Variants in STN1 observed in about 807,000 individuals in gnomAD.
STN1 encodes the protein STN1 subunit of CST complex.
In STN1, 29 loss-of-function variants were observed where a neutral mutation model predicts 45.5. That is an observed-to-expected ratio of 0.64 (90% confidence interval 0.47 to 0.87). The LOEUF (loss-of-function observed/expected upper bound fraction) is 0.87. STN1 is among the 40% of genes least tolerant of loss of function. The pLI is 0.00. For missense variants in STN1, 376 were observed against 441.4 expected, an observed-to-expected ratio of 0.85 and a Z score of 1.33; for synonymous variants, 148 against 159.0, an observed-to-expected ratio of 0.93 and a Z score of 0.52.
chr10:103,891,468 T>C (rs1047539759), intron 8 of STN1, among the ~76,000 whole-genome samples: 5 of 152,146 alleles, frequency 3.3e-5, no homozygotes, highest in African/African-American at 9.7e-5. Flanking sequence ...ACAGTTGGGG[T>C]GTTGCTCCTG....
chr10:103,913,545 G>A (rs1270953616), intron 2 of STN1, among the ~76,000 whole-genome samples: 1 of 151,940 alleles, frequency 6.6e-6, no homozygotes, highest in Admixed American at 6.6e-5. Context: ...TCAGAGAAAA[G>A]CAACTGAGGA....
In STN1 at chr10:103,882,487, T is replaced by C; in HGVS notation, c.*197A>G. 1.9e-6 allele frequency: 1 copy of C among 530,706 alleles called. No homozygotes were observed. Among genetic ancestry groups the C allele is most frequent in the South Asian group, 3.0e-5 (1 of 33,618 alleles). The allele number at this position is 530,706 out of a possible 1,614,324, so 32.9% of individuals were successfully genotyped here. Reference sequence around the variant, plus strand: ...GTCATGGCTGAGATCAAAGTCATTGTACACCAAGGACATAGTGGACAGAAG... The same window carrying C: ...GTCATGGCTGAGATCAAAGTCATTGCACACCAAGGACATAGTGGACAGAAG... On this transcript the variant is annotated 3_prime_UTR_variant, in exon 10 of 10. Coordinates refer to ENST00000224950, the MANE Select transcript of STN1 (RefSeq NM_024928.5).
chr10:103,914,357 TA>T (rs61708121), intron 2 of STN1, among the ~76,000 whole-genome samples: 4,069 of 76,256 alleles, frequency 0.053, 474 homozygotes, highest in Non-Finnish European at 0.059. Flanking sequence ...TATATATATA[TA>T]TATATATATA....
At position 103,882,484 on chromosome 10, in the gene STN1, T is replaced by C. The variant is rs1007469539; in HGVS notation, c.*200A>G. The C allele has an allele frequency of 9.6e-6, 5 of 523,150 alleles. No homozygotes were observed. The highest frequency in any genetic ancestry group is 3.2e-5 in the East Asian group (1 of 31,176). The allele number at this position is 523,150 out of a possible 1,614,324, so 32.4% of individuals were successfully genotyped here. A position where few individuals can be genotyped will look rare whatever the true frequency, so the allele number is the denominator to read the frequency against. ...TGTGTCATGGCTGAGATCAAAGTCA[T>C]TGTACACCAAGGACATAGTGGACAG... On this transcript the variant is annotated 3_prime_UTR_variant, in exon 10 of 10. Coordinates refer to ENST00000224950, the MANE Select transcript of STN1 (RefSeq NM_024928.5).
intron 3 of STN1, among the ~76,000 whole-genome samples, chr10:103,910,053 T>C (rs1367885393): frequency 6.6e-6 from 1 of 152,248 alleles, no homozygotes; most frequent in East Asian, 1.9e-4. Flanking sequence ...TTTACCCCTT[T>C]GGGTATCAAA....
intron 9 of STN1, among the ~76,000 whole-genome samples, chr10:103,886,569 T>C (rs1843104789): frequency 6.6e-6 from 1 of 152,172 alleles, no homozygotes; most frequent in Non-Finnish European, 1.5e-5. Context: ...AAAATCCACA[T>C]ACAGATTCTA....
chr10:103,883,828 G>A (rs778096430), intron 9 of STN1, among the ~76,000 whole-genome samples: 2 of 152,040 alleles, frequency 1.3e-5, no homozygotes, highest in Non-Finnish European at 2.9e-5. Context: ...AGTGGCTCAC[G>A]CCTATAATCC....
chr10:103,917,222 A>G (rs185840854), intron 2 of STN1, among the ~76,000 whole-genome samples: 1 of 151,738 alleles, frequency 6.6e-6, no homozygotes, highest in Admixed American at 6.6e-5. Context: ...TGGAGGTAAA[A>G]ACCCCAGTAC....
chr10:103,889,733 A>C (rs1843127349), intron 8 of STN1, among the ~76,000 whole-genome samples: 1 of 132,528 alleles, frequency 7.5e-6, no homozygotes, highest in Non-Finnish European at 1.5e-5. Flanking sequence ...ACGGAATCTC[A>C]CTCTTATCGC....
At position 103,890,360 on chromosome 10, in the gene STN1, T is replaced by C. The variant is rs555059152; in HGVS notation, c.877-1216A>G. Among the ~76,000 whole-genome samples, 12 of 152,334 alleles carry C rather than the reference T, an allele frequency of 7.9e-5. No individual in the cohort carries two copies. The South Asian group carries it at 2.3e-3, about 29-fold the overall frequency. Reference sequence around the variant, plus strand: ...CTAGGCAAACAGAAGTGTTGACTTATTTTAACCATTTCCCTGAGGCAGGGC... The same window carrying C: ...CTAGGCAAACAGAAGTGTTGACTTACTTTAACCATTTCCCTGAGGCAGGGC... On this transcript the variant is annotated intron_variant, in intron 8 of 9. Coordinates refer to ENST00000224950, the MANE Select transcript of STN1 (RefSeq NM_024928.5).
At chr10:103,911,864 G>A (rs944032102) in intron 2 of STN1, among the ~76,000 whole-genome samples, 3 of 152,098 alleles carry the variant, frequency 2.0e-5, no homozygotes, top group Admixed American at 1.3e-4. Flanking sequence ...TGTTTCCCTT[G>A]TAGACAAAGG....
At chr10:103,905,064 G>A (rs780586697) in intron 4 of STN1, 27 bp downstream of exon 4, 47 of 1,600,012 alleles carry the variant, frequency 2.9e-5, no homozygotes, top group Non-Finnish European at 3.7e-5. Flanking sequence ...TAGGTGAAAA[G>A]TAAAGGAATG....
intron 8 of STN1, among the ~76,000 whole-genome samples, chr10:103,890,377 A>G (rs975058298): frequency 3.9e-5 from 6 of 152,220 alleles, no homozygotes; most frequent in Non-Finnish European, 7.3e-5. Context: ...CATTTCCCTG[A>G]GGCAGGGCTT....
At chr10:103,883,993 G>A (rs1425711908) in intron 9 of STN1, among the ~76,000 whole-genome samples, 1 of 149,520 alleles carries the variant, frequency 6.7e-6, no homozygotes, top group African/African-American at 2.5e-5. Flanking sequence ...GGGAGGTTGA[G>A]GCAGGAGAAT....
chr10:103,908,482 T>C (rs1264046276), intron 3 of STN1, among the ~76,000 whole-genome samples: 1 of 151,898 alleles, frequency 6.6e-6, no homozygotes, highest in Non-Finnish European at 1.5e-5. Context: ...AGGCCTGCGG[T>C]GAGTCAGGGG....
At chr10:103,893,455 A>G (rs1012676556) in intron 7 of STN1, among the ~76,000 whole-genome samples, 2 of 152,202 alleles carry the variant, frequency 1.3e-5, no homozygotes, top group Non-Finnish European at 2.9e-5. Context: ...GGTGTGAGCC[A>G]CCGTGCCCAG....
intron 6 of STN1, 147 bp from the exon 7 acceptor site, chr10:103,897,866 C>G: frequency 1.5e-6 from 1 of 677,448 alleles, no homozygotes; most frequent in East Asian, 2.8e-5. Flanking sequence ...CAGGGAACAT[C>G]ATGTGGTTGT....
chr10:103,907,071 C>T (rs1487131207), intron 3 of STN1, among the ~76,000 whole-genome samples: 1 of 150,440 alleles, frequency 6.6e-6, no homozygotes, highest in Non-Finnish European at 1.5e-5. Flanking sequence ...ATGATTGTGC[C>T]TGTGATAGCC....
intron 2 of STN1, among the ~76,000 whole-genome samples, chr10:103,914,793 T>C (rs1260588351): frequency 4.6e-5 from 7 of 152,204 alleles, no homozygotes; most frequent in Admixed American, 3.9e-4. Context: ...AGCTGACGTT[T>C]TGCAATCATT....
Sources: gnomAD v4.1 joint callset for allele counts (sites outside exome capture counted in the v4.1 genomes callset) on GRCh38, gnomAD v4.1.1 for gene constraint, MANE v1.5 for transcripts, NCBI Gene and HGNC (gene_info 2026-07-23, HGNC 2026-07-21) for gene names.